The following CNNM1 variants were observed in gnomAD, a reference collection of about 807,000 sequenced individuals.
The protein encoded by CNNM1 is cyclin and CBS domain divalent metal cation transport mediator 1.
CNNM1 carries 44 observed loss-of-function variants against 78.8 expected under a neutral mutation model. That is an observed-to-expected ratio of 0.56 (90% CI 0.44 to 0.72). CNNM1 has a LOEUF of 0.72. Ranked by LOEUF, CNNM1 falls within the 30% of genes least tolerant of loss-of-function variation. The pLI, the probability that CNNM1 is intolerant of heterozygous loss-of-function variation, is 0.00. For missense variants in CNNM1, 1,101 were observed against 1,292.2 expected, an observed-to-expected ratio of 0.85 and a Z score of 2.27; for synonymous variants, 584 against 581.5, an observed-to-expected ratio of 1.00 and a Z score of -0.06.
chr10:99,354,646 C>T (rs949886245), intron 1 of CNNM1, among the ~76,000 whole-genome samples: 1 of 152,020 alleles, frequency 6.6e-6, no homozygotes, highest in Non-Finnish European at 1.5e-5. Flanking sequence ...GATTCAGAGT[C>T]GGGTAGATCT....
intron 1 of CNNM1, among the ~76,000 whole-genome samples, chr10:99,331,346 C>G (rs2029901700): frequency 6.6e-6 from 1 of 152,198 alleles, no homozygotes; most frequent in Non-Finnish European, 1.5e-5. Flanking sequence ...GCAGCCTTTG[C>G]TTTAAACTCC....
At chr10:99,388,103 C>G (rs764972760) in intron 8 of CNNM1, 49 bp from the exon 9 acceptor site, 3 of 1,609,092 alleles carry the variant, frequency 1.9e-6, no homozygotes, top group Non-Finnish European at 2.5e-6. Context: ...CACCTGAGCC[C>G]TGGGTCTTCT....
rs939257399 is a variant in CNNM1 at position 99,357,438 on chromosome 10, G to A, written c.1574-74G>A. The A allele has an allele frequency of 2.0e-6, 3 of 1,481,392 alleles. No individual in the cohort carries two copies. In the East Asian group the frequency reaches 6.8e-5, roughly 34 times the overall value. 91.8% of individuals were successfully genotyped at this position (1,481,392 alleles called of 1,614,324 possible). A position where few individuals can be genotyped will look rare whatever the true frequency, so the allele number is the denominator to read the frequency against. On this transcript the variant is annotated intron_variant, in intron 1 of 10. Coordinates refer to ENST00000356713, the MANE Select transcript of CNNM1 (RefSeq NM_020348.3). Reference sequence around the variant, plus strand: ...CTGAGATTGGTCAGACAGCAACTTTGTATCATTTTTCTCACAAAAAAAGAT... The same window carrying A: ...CTGAGATTGGTCAGACAGCAACTTTATATCATTTTTCTCACAAAAAAAGAT...
At chr10:99,331,713 C>T (rs1269036886) in intron 1 of CNNM1, among the ~76,000 whole-genome samples, 1 of 152,078 alleles carries the variant, frequency 6.6e-6, no homozygotes, top group African/African-American at 2.4e-5. Flanking sequence ...GAGCAAGACC[C>T]TGTCTTTGCC....
intron 6 of CNNM1, among the ~76,000 whole-genome samples, chr10:99,368,852 G>A (rs1244367070): frequency 6.6e-6 from 1 of 152,188 alleles, no homozygotes; most frequent in Non-Finnish European, 1.5e-5. Context: ...CCCAGGCATT[G>A]CTGGTTCAGT....
intron 1 of CNNM1, among the ~76,000 whole-genome samples, chr10:99,337,777 A>T (rs370540693): frequency 6.6e-6 from 1 of 152,182 alleles, no homozygotes; most frequent in African/African-American, 2.4e-5. Context: ...TAAATTTTCA[A>T]TGAATGTTTG....
chr10:99,390,354 C>T lies in CNNM1; in HGVS notation c.2723C>T (p.Pro908Leu), dbSNP rs1284793468. The change falls in exon 10 of 11, where the codon CCC (proline) becomes CTC (leucine). Residue 908 changes from proline (P) to leucine (L), a missense_variant. Pro to Leu is a moderately conservative substitution (Grantham distance 98). This residue lies in a region of CNNM1 where 348 missense variants were observed against 384.5 expected (regional missense o/e 0.90). Transcript: ENST00000356713. The part of the protein sequence containing the change: ...CNINLDTETS[P>L]CSSDFEENVG... The stretch of plus-strand genomic sequence containing the variant: ...ATCAACCTGGATACAGAGACCAGCC[C>T]CTGCAGTAGCGATTTTGAGGAAAAC... 6.2e-7 allele frequency: 1 copy of T among 1,613,202 alleles called. No individual in the cohort carries two copies. Among genetic ancestry groups the T allele is most frequent in the African/African-American group, 1.3e-5 (1 of 74,894 alleles).
Position 99,330,094 on chromosome 10 carries a change from C to T in CNNM1, c.707C>T (p.Ser236Leu). The T allele has an allele frequency of 6.5e-7, 1 of 1,545,188 alleles. No homozygotes were observed. Among genetic ancestry groups the T allele is most frequent in the East Asian group, 2.4e-5 (1 of 41,026 alleles). Residue 236 changes from serine to leucine, a missense_variant, in exon 1 of 11, where the codon TCG becomes TTG. Physicochemically the swap from Ser to Leu is moderately radical, Grantham distance 145. Transcript: ENST00000356713. ...ALGALLLLAL[S>L]ALFSGLRLSL... ...GGGGCGCTCCTGCTGCTAGCCTTGT[C>T]GGCCCTGTTCAGCGGCCTGCGCCTG...
At position 99,357,594 on chromosome 10, in the gene CNNM1, G is replaced by A. The variant is rs148043245; in HGVS notation, c.1656G>A (p.Thr552=). 1.9e-4 allele frequency: 305 copies of A among 1,613,726 alleles called. No individual in the cohort carries two copies. Among genetic ancestry groups the A allele is most frequent in the Admixed American group, 1.0e-3 (60 of 59,994 alleles). ...DPFYEVMGIV[T]LEDIIEEIIK... ...TCTATGAGGTGATGGGCATTGTCAC[G>A]CTGGAGGATATCATAGAGGAGATTA... Residue 552 remains threonine, a synonymous_variant, in exon 2 of 11, where the codon ACG becomes ACA. Coordinates refer to ENST00000356713, the MANE Select transcript of CNNM1 (RefSeq NM_020348.3).
intron 2 of CNNM1, among the ~76,000 whole-genome samples, chr10:99,359,760 C>A (rs1001578382): frequency 6.6e-6 from 1 of 152,100 alleles, no homozygotes; most frequent in Non-Finnish European, 1.5e-5. Flanking sequence ...TTGCACCAGA[C>A]GTTCCCCCAC....
At chr10:99,373,069 G>A (rs1371056005) in intron 6 of CNNM1, among the ~76,000 whole-genome samples, 7 of 152,210 alleles carry the variant, frequency 4.6e-5, no homozygotes, top group African/African-American at 1.4e-4. Context: ...GTGAAATGAT[G>A]AGAGCTTTGG....
chr10:99,337,469 T>C (rs888008667), intron 1 of CNNM1, among the ~76,000 whole-genome samples: 9 of 152,376 alleles, frequency 5.9e-5, no homozygotes, highest in African/African-American at 2.2e-4. Flanking sequence ...TGTCCCTTTA[T>C]TCACATTGCA....
intron 1 of CNNM1, among the ~76,000 whole-genome samples, chr10:99,353,044 A>G (rs1404688374): frequency 6.6e-6 from 1 of 151,814 alleles, no homozygotes; most frequent in Non-Finnish European, 1.5e-5. Context: ...ACTTTTTTGC[A>G]TGTGGATATC....
intron 1 of CNNM1, among the ~76,000 whole-genome samples, chr10:99,350,707 C>T (rs1448897943): frequency 1.3e-4 from 20 of 152,058 alleles, no homozygotes; most frequent in Non-Finnish European, 5.9e-5. Context: ...TAAACGTGTG[C>T]CATGATGGTT....
chr10:99,362,181 G>A (rs2031456662), intron 3 of CNNM1, 46 bp from the exon 4 acceptor site: 1 of 1,543,136 alleles, frequency 6.5e-7, no homozygotes, highest in Non-Finnish European at 8.8e-7. Flanking sequence ...GAATGGGTGG[G>A]ACACAGCTGA....
chr10:99,383,406 C>G (rs1277692067), intron 7 of CNNM1, among the ~76,000 whole-genome samples: 1 of 152,034 alleles, frequency 6.6e-6, no homozygotes, highest in African/African-American at 2.4e-5. Context: ...CCTGAGTAGT[C>G]AGGATTACAG....
chr10:99,371,453 C>T (rs1474703639), intron 6 of CNNM1, among the ~76,000 whole-genome samples: 2 of 152,168 alleles, frequency 1.3e-5, no homozygotes, highest in Non-Finnish European at 2.9e-5. Context: ...TTCCCCATAA[C>T]AGTCCTTTCA....
In CNNM1 at chr10:99,356,516, GAA is replaced by G. The variant is rs1335374556; in HGVS notation, c.1574-994_1574-993del. ...AGAGAGAGAGAGAGAGAGAGAAAGA[GAA>G]AGAGAGAAAGAAAGAAAGAAAGACA... On this transcript the variant is annotated intron_variant, in intron 1 of 10. Coordinates refer to ENST00000356713, the MANE Select transcript of CNNM1 (RefSeq NM_020348.3). Among the ~76,000 whole-genome samples, 295 of 123,470 alleles carry G rather than the reference GAA, an allele frequency of 2.4e-3. 5 individuals are homozygous for G. Among genetic ancestry groups the G allele is most frequent in the East Asian group, 6.7e-3 (27 of 4,018 alleles). 81.0% of individuals were successfully genotyped at this position (123,470 alleles called of 152,430 possible).
intron 1 of CNNM1, among the ~76,000 whole-genome samples, chr10:99,335,501 TA>T (rs1338939354): frequency 6.6e-6 from 1 of 152,216 alleles, no homozygotes; most frequent in Non-Finnish European, 1.5e-5. Flanking sequence ...TTTAAATACC[TA>T]ACTTCTATAT....
Sources: allele counts gnomAD v4.1 joint callset (sites outside exome capture counted in the v4.1 genomes callset), GRCh38; gene constraint gnomAD v4.1.1; regional missense constraint gnomAD v4.1.1; transcripts MANE v1.5; gene names NCBI Gene and HGNC (gene_info 2026-07-23, HGNC 2026-07-21).